LYPLAL1: variants seen among roughly 807,000 people sequenced by gnomAD.
The protein encoded by LYPLAL1 is lysophospholipase-like protein 1.
In LYPLAL1, 23 loss-of-function variants were observed where a neutral mutation model predicts 19.7. The observed-to-expected ratio is 1.17, with a 90% CI of 0.84 to 1.65. LYPLAL1 has a LOEUF of 1.65. Ranked by LOEUF, LYPLAL1 falls within the 40% of genes most tolerant of loss-of-function variation. The probability of loss-of-function intolerance (pLI) is 0.00; values close to 1 mark genes in which losing one functional copy is unlikely to be tolerated. For synonymous variants in LYPLAL1, 119 were observed against 96.3 expected (o/e 1.24, Z -1.38); for missense variants, 355 against 279.4 (o/e 1.27, Z -1.93).
At chr1:219,392,917 A>G in the LYPLAL1 span, among the ~76,000 whole-genome samples, 1 of 152,234 alleles carries the variant, frequency 6.6e-6, no homozygotes, top group Non-Finnish European at 1.5e-5. Flanking sequence ...ATCTTTGAAA[A>G]ATAAAGCTAG....
At chr1:219,322,740 A>G in the LYPLAL1 span, among the ~76,000 whole-genome samples, 5 of 152,072 alleles carry the variant, frequency 3.3e-5, no homozygotes, top group African/African-American at 9.7e-5. Flanking sequence ...CACTTAGCCC[A>G]TTTTCTGTCC....
chr1:219,200,584 C>G (rs1658016840), intron 3 of LYPLAL1: 1 of 168,914 alleles, frequency 5.9e-6, no homozygotes, highest in Admixed American at 6.3e-5. Context: ...TCACCACAAC[C>G]CTTGGCCTTC....
At chr1:219,302,225 CTG>C in the LYPLAL1 span, among the ~76,000 whole-genome samples, 2 of 152,182 alleles carry the variant, frequency 1.3e-5, no homozygotes. Flanking sequence ...GCTTCAATAA[CTG>C]TTAACTGATC....
At chr1:219,280,058 G>A in the LYPLAL1 span, among the ~76,000 whole-genome samples, 1 of 152,174 alleles carries the variant, frequency 6.6e-6, no homozygotes, top group Non-Finnish European at 1.5e-5. Flanking sequence ...AGAATAGAAT[G>A]AATATTACAT....
the LYPLAL1 span, among the ~76,000 whole-genome samples, chr1:219,266,538 A>G: frequency 6.6e-6 from 1 of 152,294 alleles, no homozygotes; most frequent in East Asian, 1.9e-4. Flanking sequence ...AGTATACTCT[A>G]AAATAATGAT....
At chr1:219,333,738 C>G in the LYPLAL1 span, among the ~76,000 whole-genome samples, 1 of 152,000 alleles carries the variant, frequency 6.6e-6, no homozygotes, top group African/African-American at 2.4e-5. Context: ...TCCTTCAGCT[C>G]GTTCTCAGGT....
intron 3 of LYPLAL1, among the ~76,000 whole-genome samples, chr1:219,209,716 C>T (rs185541989): frequency 2.6e-4 from 39 of 152,236 alleles, no homozygotes; most frequent in African/African-American, 9.1e-4. Context: ...GAATGTCACA[C>T]TGAGTCACTG....
intron 2 of LYPLAL1, among the ~76,000 whole-genome samples, chr1:219,184,310 A>C (rs1656543791): frequency 6.6e-6 from 1 of 151,898 alleles, no homozygotes. Context: ...ATGTTAAAAA[A>C]CTTAATTTTC....
At chr1:219,224,629 G>GA in the LYPLAL1 span, among the ~76,000 whole-genome samples, 1 of 152,116 alleles carries the variant, frequency 6.6e-6, no homozygotes, top group Admixed American at 6.5e-5. Flanking sequence ...GTAGTGTTCA[G>GA]AAAAAAATAT....
At chr1:219,289,392 T>C in the LYPLAL1 span, among the ~76,000 whole-genome samples, 1 of 152,170 alleles carries the variant, frequency 6.6e-6, no homozygotes, top group African/African-American at 2.4e-5. Context: ...TCTCACAGAA[T>C]GGAGGCTCTG....
the LYPLAL1 span, among the ~76,000 whole-genome samples, chr1:219,414,858 G>A: frequency 6.6e-5 from 10 of 152,140 alleles, no homozygotes; most frequent in Non-Finnish European, 1.5e-5. Flanking sequence ...CTGAGGCTAT[G>A]GTAGGCAAGG....
chr1:219,351,610 T>C, the LYPLAL1 span, among the ~76,000 whole-genome samples: 2 of 152,218 alleles, frequency 1.3e-5, no homozygotes, highest in East Asian at 3.9e-4. Context: ...CGAATGTTCT[T>C]ATAAGGGAAA....
the LYPLAL1 span, among the ~76,000 whole-genome samples, chr1:219,413,474 A>G: frequency 5.3e-5 from 8 of 152,324 alleles, no homozygotes; most frequent in East Asian, 1.4e-3. Context: ...TAAGAATCAG[A>G]TAACTCCTAA....
At chr1:219,416,441 A>G in the LYPLAL1 span, among the ~76,000 whole-genome samples, 1 of 152,188 alleles carries the variant, frequency 6.6e-6, no homozygotes, top group South Asian at 2.1e-4. Flanking sequence ...TTTGCCTAGT[A>G]AAGAATTCAA....
chr1:219,413,924 G>C, the LYPLAL1 span, among the ~76,000 whole-genome samples: 1 of 152,156 alleles, frequency 6.6e-6, no homozygotes, highest in South Asian at 2.1e-4. Flanking sequence ...TATAAATTGT[G>C]ATCTGTAAAA....
chr1:219,237,664 G>GT, the LYPLAL1 span, among the ~76,000 whole-genome samples: 2 of 151,678 alleles, frequency 1.3e-5, no homozygotes, highest in African/African-American at 2.4e-5. Flanking sequence ...GTTTTGTTTT[G>GT]TTTTTTTCAA....
At chr1:219,440,189 C>T in the LYPLAL1 span, among the ~76,000 whole-genome samples, 1 of 150,872 alleles carries the variant, frequency 6.6e-6, no homozygotes, top group Non-Finnish European at 1.5e-5. Context: ...TTTCAGCCTA[C>T]AAAAAGAAAA....
At chr1:219,186,165 T>C (rs1656704434) in intron 2 of LYPLAL1, among the ~76,000 whole-genome samples, 1 of 151,882 alleles carries the variant, frequency 6.6e-6, no homozygotes, top group South Asian at 2.1e-4. Flanking sequence ...ATATTCTTAT[T>C]ACTGTTGATA....
the LYPLAL1 span, among the ~76,000 whole-genome samples, chr1:219,253,511 T>G: frequency 2.0e-5 from 3 of 152,094 alleles, no homozygotes; most frequent in African/African-American, 7.2e-5. Context: ...ACTTCTTGAT[T>G]TCTGCCTCAA....
Sources: gnomAD v4.1 joint callset for allele counts (sites outside exome capture counted in the v4.1 genomes callset) on GRCh38, gnomAD v4.1.1 for gene constraint, MANE v1.5 for transcripts, NCBI Gene and HGNC (gene_info 2026-07-23, HGNC 2026-07-21) for gene names.